The following NALCN variants were observed in gnomAD, a reference collection of about 807,000 sequenced individuals.
The protein encoded by NALCN is sodium leak channel, non-selective, also known as sodium leak channel NALCN.
In NALCN, 111 loss-of-function variants were observed where a neutral mutation model predicts 225.3. The observed-to-expected ratio is 0.49, with a 90% CI of 0.42 to 0.58. NALCN has a LOEUF of 0.58. Among genes scored for constraint, NALCN ranks in the 20% least tolerant of loss-of-function variants. The pLI is 0.00. For missense variants in NALCN, 1,378 were observed against 2,202.4 expected, an observed-to-expected ratio of 0.63 and a Z score of 7.49; for synonymous variants, 764 against 769.0, an observed-to-expected ratio of 0.99 and a Z score of 0.11.
intron 1 of NALCN, among the ~76,000 whole-genome samples, chr13:101,408,896 C>A (rs1257912473): frequency 6.6e-6 from 1 of 152,152 alleles, no homozygotes; most frequent in East Asian, 1.9e-4. Context: ...AAAACAGACT[C>A]TTCTGTTTTC....
chr13:101,403,700 CT>C (rs2047541078), intron 1 of NALCN, among the ~76,000 whole-genome samples: 1 of 152,216 alleles, frequency 6.6e-6, no homozygotes. Flanking sequence ...CCAACAACCA[CT>C]CTTCTGATAA....
intron 7 of NALCN, among the ~76,000 whole-genome samples, chr13:101,313,634 C>A (rs936680472): frequency 2.0e-5 from 3 of 151,684 alleles, no homozygotes; most frequent in African/African-American, 7.3e-5. Flanking sequence ...TACCATCTCA[C>A]ACCAATCATT....
At chr13:101,372,173 G>A (rs199874901) in intron 6 of NALCN, among the ~76,000 whole-genome samples, 12 of 151,990 alleles carry the variant, frequency 7.9e-5, no homozygotes, top group African/African-American at 2.2e-4. Context: ...CACGTTATGC[G>A]CCTAATTAAA....
intron 43 of NALCN, among the ~76,000 whole-genome samples, chr13:101,056,633 C>T (rs927831096): frequency 2.7e-5 from 4 of 150,866 alleles, no homozygotes; most frequent in African/African-American, 9.9e-5. Flanking sequence ...TGCATTCTCC[C>T]CAGGTCACCT....
intron 7 of NALCN, among the ~76,000 whole-genome samples, chr13:101,313,019 A>G (rs888974801): frequency 3.3e-5 from 5 of 152,178 alleles, no homozygotes; most frequent in African/African-American, 4.8e-5. Context: ...GCCCTCAGAA[A>G]TAATGCCACA....
At chr13:101,342,439 A>G (rs761926763) in intron 7 of NALCN, among the ~76,000 whole-genome samples, 35 of 152,118 alleles carry the variant, frequency 2.3e-4, no homozygotes, top group Admixed American at 4.6e-4. Context: ...CTCCCCACCA[A>G]CTGCCTGCAG....
chr13:101,143,555 C>A (rs2037201128), intron 16 of NALCN, among the ~76,000 whole-genome samples: 1 of 152,054 alleles, frequency 6.6e-6, no homozygotes, highest in Non-Finnish European at 1.5e-5. Flanking sequence ...ACCTCCGCCT[C>A]CCGAGTTTAA....
At chr13:101,346,040 T>C (rs745921847) in intron 6 of NALCN, among the ~76,000 whole-genome samples, 1 of 138,832 alleles carries the variant, frequency 7.2e-6, no homozygotes, top group Admixed American at 7.7e-5. Flanking sequence ...AATATATATA[T>C]GAGACCTTGA....
At chr13:101,302,146 C>A (rs984465067) in intron 7 of NALCN, among the ~76,000 whole-genome samples, 1 of 152,092 alleles carries the variant, frequency 6.6e-6, no homozygotes, top group South Asian at 2.1e-4. Context: ...AAAATTAGAA[C>A]CAAGCATTTG....
At chr13:101,120,321 A>C (rs2035913232) in intron 18 of NALCN, among the ~76,000 whole-genome samples, 1 of 152,120 alleles carries the variant, frequency 6.6e-6, no homozygotes, top group South Asian at 2.1e-4. Flanking sequence ...AGGAAGGTAA[A>C]GCTGTTAAAC....
chr13:101,199,294 A>G (rs2390591), intron 13 of NALCN, among the ~76,000 whole-genome samples: 38,284 of 151,830 alleles, frequency 0.25, 5,039 homozygotes, highest in East Asian at 0.37. Flanking sequence ...ATAATAAAAA[A>G]AAGAGTTGGA....
intron 28 of NALCN, 124 bp downstream of exon 28, chr13:101,095,450 G>A: frequency 1.4e-6 from 1 of 723,608 alleles, no homozygotes; most frequent in East Asian, 2.7e-5. Flanking sequence ...CGCCCTGTAT[G>A]ACTTAAGATC....
At chr13:101,142,138 CTTTT>C (rs33925974) in intron 17 of NALCN, among the ~76,000 whole-genome samples, 2 of 97,026 alleles carry the variant, frequency 2.1e-5, no homozygotes, top group Non-Finnish European at 3.8e-5. Flanking sequence ...CATTCTATGT[CTTTT>C]TTTTTTTTTT....
chr13:101,147,352 CTCT>C (rs1416760344), intron 15 of NALCN, among the ~76,000 whole-genome samples: 3 of 140,556 alleles, frequency 2.1e-5, no homozygotes, highest in South Asian at 2.3e-4. Context: ...TCCTCTCTCT[CTCT>C]TTTTTTTTTT....
intron 34 of NALCN, among the ~76,000 whole-genome samples, chr13:101,077,480 C>T (rs2033334738): frequency 6.6e-6 from 1 of 152,060 alleles, no homozygotes; most frequent in African/African-American, 2.4e-5. Flanking sequence ...CTGAGGTGGT[C>T]TCAGGTGGAG....
At chr13:101,293,361 A>G (rs1455830170) in intron 7 of NALCN, among the ~76,000 whole-genome samples, 1 of 152,246 alleles carries the variant, frequency 6.6e-6, no homozygotes, top group Admixed American at 6.5e-5. Flanking sequence ...GGTATCATTT[A>G]TGACTATAAA....
At chr13:101,269,893 C>T (rs1295337250) in intron 10 of NALCN, among the ~76,000 whole-genome samples, 1 of 152,122 alleles carries the variant, frequency 6.6e-6, no homozygotes, top group Non-Finnish European at 1.5e-5. Flanking sequence ...CTTGGCTTTT[C>T]AACGGTGAAG....
At chr13:101,349,278 C>A (rs753673835) in intron 6 of NALCN, among the ~76,000 whole-genome samples, 2 of 152,140 alleles carry the variant, frequency 1.3e-5, no homozygotes, top group African/African-American at 4.8e-5. Context: ...ATATGATATA[C>A]CCAATCAGAA....
At chr13:101,205,330 C>G (rs911030528) in intron 13 of NALCN, among the ~76,000 whole-genome samples, 12 of 151,828 alleles carry the variant, frequency 7.9e-5, no homozygotes, top group Non-Finnish European at 1.3e-4. Context: ...TGTATGAACA[C>G]ATAACCTTTT....
Sources: allele counts gnomAD v4.1 joint callset (sites outside exome capture counted in the v4.1 genomes callset), GRCh38; gene constraint gnomAD v4.1.1; transcripts MANE v1.5; gene names NCBI Gene and HGNC (gene_info 2026-07-23, HGNC 2026-07-21).